FGF7: variants seen among roughly 807,000 people sequenced by gnomAD.
The protein encoded by FGF7 is FGF-7.
In FGF7, 6 loss-of-function variants were observed where a neutral mutation model predicts 20.5. The ratio of observed to expected loss-of-function variants is 0.29; its 90% CI spans 0.16 to 0.58. The LOEUF is 0.58. Among genes scored for constraint, FGF7 ranks in the 20% least tolerant of loss-of-function variants. FGF7 has a pLI of 0.90. For synonymous variants in FGF7, 64 were observed against 74.7 expected, an observed-to-expected ratio of 0.86 and a Z score of 0.74; for missense variants, 144 against 228.8, an observed-to-expected ratio of 0.63 and a Z score of 2.39.
chr15:49,488,641 A>G lies in FGF7; in HGVS notation c.*4137A>G, dbSNP rs2056613124. Reference sequence around the variant, plus strand: ...AGCCTATCAAAATTTATTTTCTTTCATTTATATTCTAATAATTGAAATGTG... The same window carrying G: ...AGCCTATCAAAATTTATTTTCTTTCGTTTATATTCTAATAATTGAAATGTG... On this transcript the variant is annotated 3_prime_UTR_variant, in exon 4 of 4. Coordinates refer to ENST00000267843, the MANE Select transcript of FGF7 (RefSeq NM_002009.4). 1 of 151,974 alleles carries G rather than the reference A, an allele frequency of 6.6e-6. No homozygotes were observed. The highest frequency in any genetic ancestry group is 1.5e-5 in the Non-Finnish European group (1 of 67,932). The allele number at this position is 151,974 out of a possible 1,614,324, so 9.4% of individuals were successfully genotyped here.
intron 2 of FGF7, among the ~76,000 whole-genome samples, chr15:49,452,000 A>G (rs1322560281): frequency 6.6e-6 from 1 of 152,054 alleles, no homozygotes; most frequent in Non-Finnish European, 1.5e-5. Flanking sequence ...ATGATATCTT[A>G]TATCACTACT....
chr15:49,462,046 C>A (rs1471230175), intron 2 of FGF7, among the ~76,000 whole-genome samples: 1 of 151,816 alleles, frequency 6.6e-6, no homozygotes, highest in African/African-American at 2.4e-5. Context: ...TTGAACCTGG[C>A]AGGTGGCGGT....
Position 49,484,642 on chromosome 15 carries a change from GC to G in FGF7, c.*139del. On this transcript the variant is annotated 3_prime_UTR_variant, in exon 4 of 4. Transcript: ENST00000267843. Reference sequence around the variant, plus strand: ...GGAAAACTACTGAAAAACTGATCAAGCTGGACTTGTGCATTTATGTTTGTTT... The same window carrying G: ...GGAAAACTACTGAAAAACTGATCAAGTGGACTTGTGCATTTATGTTTGTTT... 1 of 491,426 alleles carries G rather than the reference GC, an allele frequency of 2.0e-6. No homozygotes were observed. The highest frequency in any genetic ancestry group is 3.9e-5 in the Admixed American group (1 of 25,844). The allele number at this position is 491,426 out of a possible 1,614,324, so 30.4% of individuals were successfully genotyped here.
intron 2 of FGF7, among the ~76,000 whole-genome samples, chr15:49,461,117 C>T (rs1045887082): frequency 3.3e-5 from 5 of 152,098 alleles, no homozygotes; most frequent in African/African-American, 1.2e-4. Flanking sequence ...ATATCTCTTC[C>T]ATCCTGATGA....
Position 49,487,897 on chromosome 15 carries a change from T to TC in FGF7, c.*3396dup, listed in dbSNP as rs1424312261. 6.6e-6 allele frequency: 1 copy of TC among 151,988 alleles called. No homozygotes were observed. The highest frequency in any genetic ancestry group is 1.5e-5 in the Non-Finnish European group (1 of 67,940). The allele number at this position is 151,988 out of a possible 1,614,324, so 9.4% of individuals were successfully genotyped here. A position where few individuals can be genotyped will look rare whatever the true frequency, so the allele number is the denominator to read the frequency against. ...GGCTTATCATGCAGTTTGGTTTACA[T>TC]CCCTACTCCACTGCCATTTACTTGA... On this transcript the variant is annotated 3_prime_UTR_variant, in exon 4 of 4. Transcript: ENST00000267843.
chr15:49,455,747 AAAC>A lies in FGF7; in HGVS notation c.287-27401_287-27399del, dbSNP rs2053224158. On this transcript the variant is annotated intron_variant, in intron 2 of 3. Coordinates refer to ENST00000267843, the MANE Select transcript of FGF7 (RefSeq NM_002009.4). Reference sequence around the variant, plus strand: ...GCTATTTTCTTGCTTAAAGTGGAGAAAACAAAACGTGCTCCACTTTGGGTATGG... The same window carrying A: ...GCTATTTTCTTGCTTAAAGTGGAGAAAAAACGTGCTCCACTTTGGGTATGG... 2.0e-5 allele frequency among the ~76,000 whole-genome samples: 3 copies of A among 152,204 alleles called. 1 individual carries two copies. Among genetic ancestry groups the A allele is most frequent in the Admixed American group, 2.0e-4 (3 of 15,266 alleles).
chr15:49,477,679 A>G (rs147132660), intron 2 of FGF7, among the ~76,000 whole-genome samples: 1 of 152,312 alleles, frequency 6.6e-6, no homozygotes, highest in East Asian at 1.9e-4. Flanking sequence ...TTTCAATTCA[A>G]TTGGGCAAAA....
At chr15:49,471,542 G>A (rs1597406922) in intron 2 of FGF7, among the ~76,000 whole-genome samples, 1 of 148,598 alleles carries the variant, frequency 6.7e-6, no homozygotes, top group Non-Finnish European at 1.5e-5. Context: ...TATGGCAAAT[G>A]TAATGAATTT....
At chr15:49,441,936 T>G (rs1240270658) in intron 2 of FGF7, among the ~76,000 whole-genome samples, 1 of 151,590 alleles carries the variant, frequency 6.6e-6, no homozygotes, top group African/African-American at 2.4e-5. Flanking sequence ...TGCTCAAGTA[T>G]TATAATTATT....
At chr15:49,476,322 A>G (rs1235792546) in intron 2 of FGF7, among the ~76,000 whole-genome samples, 3 of 149,136 alleles carry the variant, frequency 2.0e-5, no homozygotes, top group African/African-American at 7.4e-5. Flanking sequence ...GAATTTTTGT[A>G]TATATTTATT....
chr15:49,435,379 C>G (rs1165729451), intron 2 of FGF7, among the ~76,000 whole-genome samples: 1 of 151,562 alleles, frequency 6.6e-6, no homozygotes, highest in Non-Finnish European at 1.5e-5. Flanking sequence ...CATACTTTTA[C>G]TACCATGAGC....
rs2049950689 is a variant in FGF7, at chr15:49,424,416, T to C, written c.119T>C (p.Met40Thr). The stretch of plus-strand genomic sequence containing the variant: ...TGCAATGACATGACTCCAGAGCAAA[T>C]GGCTACAAATGTGAACTGTTCCAGC... ...LACNDMTPEQ[M>T]ATNVNCSSPE... The change falls in exon 2 of 4, where the codon ATG (methionine) becomes ACG (threonine). Residue 40 changes from methionine to threonine, a missense_variant. This residue lies in a region of FGF7 where 88 missense variants were observed against 103.4 expected (regional missense o/e 0.85). Coordinates refer to ENST00000267843, the MANE Select transcript of FGF7 (RefSeq NM_002009.4). 14 of 1,613,656 alleles carry C rather than the reference T, an allele frequency of 8.7e-6. No individual in the cohort carries two copies. In the East Asian group the frequency reaches 3.1e-4, roughly 36 times the overall value.
At chr15:49,429,878 G>T (rs565480363) in intron 2 of FGF7, among the ~76,000 whole-genome samples, 26 of 152,014 alleles carry the variant, frequency 1.7e-4, no homozygotes, top group African/African-American at 6.0e-4. Flanking sequence ...ATTAGTATTT[G>T]TTAAAGTTCT....
chr15:49,459,400 T>C (rs975174834), intron 2 of FGF7, among the ~76,000 whole-genome samples: 2 of 152,224 alleles, frequency 1.3e-5, no homozygotes, highest in Admixed American at 6.5e-5. Flanking sequence ...ATGAATTTTC[T>C]GAACCTCCTA....
Position 49,430,421 on chromosome 15 carries a change from G to T in FGF7, c.286+5838G>T, listed in dbSNP as rs571459921. 5.3e-5 allele frequency among the ~76,000 whole-genome samples: 8 copies of T among 151,932 alleles called. No individual in the cohort carries two copies. In the East Asian group the frequency reaches 1.6e-3, roughly 30 times the overall value. ...TCACCTCTCATGGCCACACAACCAA[G>T]TTCAAAGGCAGAGGTTTAAGGAGAC... is the stretch of plus-strand genomic sequence containing the variant. On this transcript the variant is annotated intron_variant, in intron 2 of 3. Transcript: ENST00000267843.
intron 2 of FGF7, among the ~76,000 whole-genome samples, chr15:49,476,212 G>GT (rs1567351529): frequency 1.2e-5 from 1 of 81,254 alleles, no homozygotes; most frequent in Non-Finnish European, 3.3e-5. Flanking sequence ...TTATTTTGCT[G>GT]TTTTGTTTTT....
chr15:49,451,444 CAT>C (rs1266589937), intron 2 of FGF7, among the ~76,000 whole-genome samples: 2 of 152,008 alleles, frequency 1.3e-5, no homozygotes, highest in Non-Finnish European at 2.9e-5. Flanking sequence ...TGCTGACAGA[CAT>C]ATATGTATAT....
chr15:49,446,652 A>AT (rs2052246379), intron 2 of FGF7, among the ~76,000 whole-genome samples: 5 of 151,516 alleles, frequency 3.3e-5, no homozygotes, highest in Non-Finnish European at 7.4e-5. Flanking sequence ...TTAGGACAAC[A>AT]GTGAGGAATG....
At position 49,424,121 on chromosome 15, in the gene FGF7, C is replaced by T. The variant is rs796959205; in HGVS notation, c.-177C>T. 6 of 526,984 alleles carry T rather than the reference C, an allele frequency of 1.1e-5. No individual in the cohort carries two copies. The highest frequency in any genetic ancestry group is 1.3e-5 in the Non-Finnish European group (4 of 299,036). The allele number at this position is 526,984 out of a possible 1,614,324, so 32.6% of individuals were successfully genotyped here. ...TCAACAGAGTTATTTAAGGAGGAAT[C>T]CTGTGTTGTTATCAGGAACTAAAAG... On this transcript the variant is annotated 5_prime_UTR_variant, in exon 2 of 4. Coordinates refer to ENST00000267843, the MANE Select transcript of FGF7 (RefSeq NM_002009.4).
Sources: allele counts gnomAD v4.1 joint callset (sites outside exome capture counted in the v4.1 genomes callset), GRCh38; gene constraint gnomAD v4.1.1; regional missense constraint gnomAD v4.1.1; transcripts MANE v1.5; gene names NCBI Gene and HGNC (gene_info 2026-07-23, HGNC 2026-07-21).